The following GGH variants were observed in gnomAD, a reference collection of about 807,000 sequenced individuals.
GGH encodes the protein gamma-glutamyl hydrolase.
In GGH, 18 loss-of-function variants were observed where a neutral mutation model predicts 39.2. The observed-to-expected ratio is 0.46, with a 90% CI of 0.32 to 0.68. The LOEUF is 0.68. Ranked by LOEUF, GGH falls within the 30% of genes least tolerant of loss-of-function variation. GGH has a pLI of 0.04. For synonymous variants in GGH, 147 were observed against 138.8 expected, an observed-to-expected ratio of 1.06 and a Z score of -0.42; for missense variants, 367 against 384.1, an observed-to-expected ratio of 0.96 and a Z score of 0.37.
intron 3 of GGH, among the ~76,000 whole-genome samples, chr8:63,029,532 T>A (rs1461593316): frequency 6.6e-6 from 1 of 152,180 alleles, no homozygotes; most frequent in Non-Finnish European, 1.5e-5. Flanking sequence ...ATTTATAAAA[T>A]AAAATTCCTC....
At position 63,034,944 on chromosome 8, in the gene GGH, T is replaced by C. The variant is rs552492023; in HGVS notation, c.224+712A>G. On this transcript the variant is annotated intron_variant, in intron 2 of 8. Coordinates refer to ENST00000260118, the MANE Select transcript of GGH (RefSeq NM_003878.3). ...TTTTTGGTTACATGCATGAACTGTA[T>C]AGTGATGAAGTCTGAGATTTCAATG... is the stretch of plus-strand genomic sequence containing the variant. Among the ~76,000 whole-genome samples, 49 of 152,250 alleles carry C rather than the reference T, an allele frequency of 3.2e-4. No individual in the cohort carries two copies. The South Asian group carries it at 6.2e-3, about 19-fold the overall frequency.
chr8:63,027,476 A>G (rs553013831), intron 3 of GGH, among the ~76,000 whole-genome samples: 1 of 152,364 alleles, frequency 6.6e-6, no homozygotes, highest in South Asian at 2.1e-4. Flanking sequence ...ACTTTAGTGC[A>G]TATTTTCCAA....
At chr8:63,024,243 G>A in intron 5 of GGH, 57 bp from the exon 6 acceptor site, 2 of 1,048,700 alleles carry the variant, frequency 1.9e-6, no homozygotes, top group South Asian at 1.4e-5. Flanking sequence ...AAAATCCACT[G>A]AAGTCACTTA....
intron 7 of GGH, among the ~76,000 whole-genome samples, chr8:63,020,225 G>T (rs1257847809): frequency 1.3e-5 from 2 of 152,116 alleles, no homozygotes; most frequent in Admixed American, 1.3e-4. Flanking sequence ...ATCAAGAGTG[G>T]AAAGAAAATA....
intron 2 of GGH, among the ~76,000 whole-genome samples, chr8:63,034,984 G>T (rs574889165): frequency 7.2e-5 from 11 of 152,182 alleles, no homozygotes; most frequent in Non-Finnish European, 1.3e-4. Context: ...AGCCACCCGA[G>T]CAATGTACAC....
chr8:63,038,687 C>G lies in GGH; in HGVS notation c.82G>C (p.Gly28Arg). 6.5e-7 allele frequency: 1 copy of G among 1,547,738 alleles called. No individual in the cohort carries two copies. Among genetic ancestry groups the G allele is most frequent in the Non-Finnish European group, 8.8e-7 (1 of 1,141,272 alleles). ...ATGATGGGCTTCTTGGCGGTGTCGC[C>G]GTGGGGTCTAGACAGCTCGAGGCTC... The part of the protein sequence containing the change: ...AASLELSRPH[G>R]DTAKKPIIGI... The change falls in exon 1 of 9, where the codon GGC becomes CGC. Residue 28 changes from glycine to arginine, a missense_variant. Physicochemically the swap from Gly to Arg is moderately radical, Grantham distance 125 (BLOSUM62 -2). Transcript: ENST00000260118.
chr8:63,036,650 T>C (rs1804914378), intron 1 of GGH, among the ~76,000 whole-genome samples: 1 of 152,098 alleles, frequency 6.6e-6, no homozygotes, highest in Non-Finnish European at 1.5e-5. Flanking sequence ...AAACATGACA[T>C]TTGAGCCAGG....
chr8:63,026,410 G>GA, intron 4 of GGH, 114 bp from the exon 5 acceptor site: 1 of 751,934 alleles, frequency 1.3e-6, no homozygotes, highest in Non-Finnish European at 2.2e-6. Flanking sequence ...GATTTCTGAA[G>GA]AATTCTCCAG....
intron 7 of GGH, among the ~76,000 whole-genome samples, chr8:63,018,895 C>T (rs1804536340): frequency 6.6e-6 from 1 of 152,116 alleles, no homozygotes; most frequent in South Asian, 2.1e-4. Flanking sequence ...AAAAATTATG[C>T]AAGGATTTCA....
chr8:63,038,626 C>T, intron 1 of GGH, 34 bp downstream of exon 1: 1 of 1,214,502 alleles, frequency 8.2e-7, no homozygotes. Flanking sequence ...CCCAGCTCCT[C>T]CCCGTCTGCT....
At chr8:63,030,509 C>T (rs1464920875) in intron 2 of GGH, among the ~76,000 whole-genome samples, 1 of 152,040 alleles carries the variant, frequency 6.6e-6, no homozygotes, top group Non-Finnish European at 1.5e-5. Flanking sequence ...GATTTGGCCA[C>T]CAGTAATTTC....
chr8:63,019,244 GT>G (rs1804542810), intron 7 of GGH, among the ~76,000 whole-genome samples: 1 of 152,098 alleles, frequency 6.6e-6, no homozygotes, highest in Non-Finnish European at 1.5e-5. Flanking sequence ...TATCTTGTTC[GT>G]GTCTTAACTG....
At chr8:63,037,362 G>A (rs570914349) in intron 1 of GGH, among the ~76,000 whole-genome samples, 4 of 152,086 alleles carry the variant, frequency 2.6e-5, no homozygotes, top group Non-Finnish European at 4.4e-5. Flanking sequence ...GGGAGCACAA[G>A]GGTACCAGAA....
At chr8:63,035,561 T>A (rs1804890741) in intron 2 of GGH, 95 bp downstream of exon 2, 10 of 1,486,460 alleles carry the variant, frequency 6.7e-6, no homozygotes, top group Non-Finnish European at 8.9e-6. Flanking sequence ...CGCCTTGGCC[T>A]CCCAAAGTGC....
At chr8:63,016,680 G>T (rs1251590746) in intron 8 of GGH, among the ~76,000 whole-genome samples, 1 of 152,182 alleles carries the variant, frequency 6.6e-6, no homozygotes, top group Admixed American at 6.5e-5. Context: ...AGTAAACAGT[G>T]TTGTTCAAGG....
intron 5 of GGH, among the ~76,000 whole-genome samples, chr8:63,025,585 C>G (rs899806904): frequency 1.3e-5 from 2 of 151,988 alleles, no homozygotes; most frequent in Non-Finnish European, 2.9e-5. Flanking sequence ...ATACAAAATT[C>G]AGCCAGGTGT....
Sources: gnomAD v4.1 joint callset for allele counts (sites outside exome capture counted in the v4.1 genomes callset) on GRCh38, gnomAD v4.1.1 for gene constraint, MANE v1.5 for transcripts, NCBI Gene and HGNC (gene_info 2026-07-23, HGNC 2026-07-21) for gene names.